C8orf34: variants seen among roughly 807,000 people sequenced by gnomAD.
C8orf34 encodes the protein uncharacterized protein C8orf34.
A neutral mutation model predicts 68.3 loss-of-function variants in C8orf34; 65 were observed. The observed-to-expected ratio is 0.95, with a 90% CI of 0.78 to 1.17. The LOEUF (loss-of-function observed/expected upper bound fraction) is 1.17, where lower values mean the gene tolerates loss of function less well. C8orf34 is among the 50% of genes most tolerant of loss of function. The pLI is 0.00. For synonymous variants in C8orf34, 244 were observed against 241.2 expected (o/e 1.01, Z -0.11); for missense variants, 664 against 655.4 (o/e 1.01, Z -0.14).
chr8:68,521,172 A>G (rs1048462362), intron 5 of C8orf34, among the ~76,000 whole-genome samples: 2 of 152,318 alleles, frequency 1.3e-5, no homozygotes, highest in Admixed American at 6.5e-5. Flanking sequence ...CTTTTTTCAC[A>G]TAACAAAAAA....
At chr8:68,609,427 G>A (rs1000835435) in intron 7 of C8orf34, among the ~76,000 whole-genome samples, 2 of 152,086 alleles carry the variant, frequency 1.3e-5, no homozygotes, top group Admixed American at 6.6e-5. Context: ...ATGTAAACTT[G>A]AAGAATCTCG....
chr8:68,648,715 A>G (rs1428997576), intron 8 of C8orf34, among the ~76,000 whole-genome samples: 1 of 152,230 alleles, frequency 6.6e-6, no homozygotes, highest in Non-Finnish European at 1.5e-5. Flanking sequence ...AAACTACAGC[A>G]TGAGAATCCC....
intron 6 of C8orf34, among the ~76,000 whole-genome samples, chr8:68,523,760 A>T (rs1202579035): frequency 1.3e-5 from 2 of 152,132 alleles, no homozygotes; most frequent in African/African-American, 2.4e-5. Flanking sequence ...TCAAGCAGAA[A>T]GGGTTGGAGA....
At chr8:68,772,093 C>T (rs1823356600) in intron 10 of C8orf34, among the ~76,000 whole-genome samples, 1 of 152,166 alleles carries the variant, frequency 6.6e-6, no homozygotes, top group African/African-American at 2.4e-5. Context: ...CCAAATACCT[C>T]AGGTAGTTCT....
At chr8:68,406,956 A>G (rs1222517456) in intron 1 of C8orf34, among the ~76,000 whole-genome samples, 1 of 152,168 alleles carries the variant, frequency 6.6e-6, no homozygotes, top group Non-Finnish European at 1.5e-5. Flanking sequence ...AGAGTAAACC[A>G]GGAGCATGAA....
chr8:68,643,871 A>G (rs1819087735), intron 8 of C8orf34, among the ~76,000 whole-genome samples: 1 of 152,190 alleles, frequency 6.6e-6, no homozygotes, highest in Admixed American at 6.5e-5. Context: ...AGCTGATAAC[A>G]CTGGGTCTAT....
intron 7 of C8orf34, among the ~76,000 whole-genome samples, chr8:68,535,995 GA>G (rs1305594151): frequency 6.6e-6 from 1 of 151,418 alleles, no homozygotes; most frequent in Non-Finnish European, 1.5e-5. Context: ...TGACCACTAT[GA>G]AAAAAAGGTT....
intron 1 of C8orf34, among the ~76,000 whole-genome samples, chr8:68,431,937 TACA>T (rs903578649): frequency 1.3e-5 from 2 of 152,202 alleles, no homozygotes; most frequent in Middle Eastern, 3.2e-3. Flanking sequence ...TTCCATAGTA[TACA>T]ACAAGGCTAA....
At chr8:68,454,231 T>A (rs879489432) in intron 3 of C8orf34, among the ~76,000 whole-genome samples, 2 of 152,104 alleles carry the variant, frequency 1.3e-5, no homozygotes, top group African/African-American at 2.4e-5. Flanking sequence ...AATCTTCTTT[T>A]CTGGTAATGT....
chr8:68,439,525 G>C lies in C8orf34; in HGVS notation c.354G>C (p.Glu118Asp). 6.2e-7 allele frequency: 1 copy of C among 1,613,584 alleles called. No individual in the cohort carries two copies. The highest frequency in any genetic ancestry group is 8.5e-7 in the Non-Finnish European group (1 of 1,179,720). The part of the protein sequence containing the change: ...FEELMTKLIT[E>D]TPDQPIPFLI... ...AATTAATGACCAAGTTAATAACTGA[G>C]ACACCTGACCAGCCAATCCCATTTC... The change falls in exon 2 of 14, where the codon GAG (glutamate) becomes GAC (aspartate). Residue 118 changes from glutamate to aspartate, a missense_variant. Coordinates refer to ENST00000518698, the MANE Select transcript of C8orf34 (RefSeq NM_052958.4).
At chr8:68,737,245 C>A (rs1489258767) in intron 10 of C8orf34, among the ~76,000 whole-genome samples, 1 of 152,088 alleles carries the variant, frequency 6.6e-6, no homozygotes, top group East Asian at 1.9e-4. Context: ...ATATCTTCAA[C>A]TTCTTTGTCC....
chr8:68,502,548 A>G (rs755257534), intron 5 of C8orf34, among the ~76,000 whole-genome samples: 9 of 152,174 alleles, frequency 5.9e-5, no homozygotes, highest in Non-Finnish European at 8.8e-5. Context: ...AGCCATCGTT[A>G]GTCATTTTTG....
intron 5 of C8orf34, among the ~76,000 whole-genome samples, chr8:68,507,638 C>A (rs1240428470): frequency 6.6e-6 from 1 of 152,174 alleles, no homozygotes; most frequent in African/African-American, 2.4e-5. Flanking sequence ...TCTTTGGCCA[C>A]TTCTAAGAGG....
chr8:68,583,068 A>G (rs1429692700), intron 7 of C8orf34, among the ~76,000 whole-genome samples: 4 of 152,130 alleles, frequency 2.6e-5, no homozygotes, highest in African/African-American at 9.7e-5. Flanking sequence ...ACAAAAGGGT[A>G]ATGTATACTG....
chr8:68,474,773 T>G (rs1228306582), intron 4 of C8orf34, among the ~76,000 whole-genome samples: 1 of 152,212 alleles, frequency 6.6e-6, no homozygotes, highest in African/African-American at 2.4e-5. Flanking sequence ...TAAAAGATCA[T>G]GGGGCAGGTT....
intron 13 of C8orf34, 96 bp downstream of exon 13, chr8:68,816,041 A>T (rs1824802902): frequency 1.3e-6 from 2 of 1,584,076 alleles, no homozygotes; most frequent in Admixed American, 3.5e-5. Context: ...CGTAGTCCTC[A>T]TGACCTCTAA....
chr8:68,744,081 C>G (rs888039308), intron 10 of C8orf34, among the ~76,000 whole-genome samples: 1 of 152,144 alleles, frequency 6.6e-6, no homozygotes, highest in Non-Finnish European at 1.5e-5. Flanking sequence ...TGACCCCTGA[C>G]CCCCAAGCAG....
chr8:68,423,873 C>T (rs1810092304), intron 1 of C8orf34, among the ~76,000 whole-genome samples: 1 of 152,128 alleles, frequency 6.6e-6, no homozygotes, highest in African/African-American at 2.4e-5. Flanking sequence ...TGAGTGGAAA[C>T]AGGGGCAATG....
intron 5 of C8orf34, among the ~76,000 whole-genome samples, chr8:68,492,538 A>G (rs575483383): frequency 2.0e-5 from 3 of 152,234 alleles, no homozygotes; most frequent in African/African-American, 7.2e-5. Flanking sequence ...CCAGATTTCT[A>G]AGACTAGAAT....
Sources: gnomAD v4.1 joint callset for allele counts (sites outside exome capture counted in the v4.1 genomes callset) on GRCh38, gnomAD v4.1.1 for gene constraint, MANE v1.5 for transcripts, NCBI Gene and HGNC (gene_info 2026-07-23, HGNC 2026-07-21) for gene names.